COL6A6: variants seen among roughly 807,000 people sequenced by gnomAD.
COL6A6 encodes collagen alpha-6(VI) chain.
In COL6A6, 183 loss-of-function variants were observed where a neutral mutation model predicts 208.6. That is an observed-to-expected ratio of 0.88 (90% CI 0.78 to 0.99). The LOEUF (loss-of-function observed/expected upper bound fraction) is 0.99. COL6A6 is among the 50% of genes least tolerant of loss of function. COL6A6 has a pLI of 0.00. For synonymous variants in COL6A6, 973 were observed against 1,011.8 expected (o/e 0.96, Z 0.73); for missense variants, 2,816 against 2,815.2 (o/e 1.00, Z -0.01).
chr3:130,666,035 T>C (rs1220999038), intron 36 of COL6A6, among the ~76,000 whole-genome samples: 2 of 152,172 alleles, frequency 1.3e-5, no homozygotes, highest in Non-Finnish European at 2.9e-5. Context: ...CCAAGTCTAA[T>C]AATGAGGAAA....
Position 130,571,411 on chromosome 3 carries a change from A to T in COL6A6, c.2977+18A>T. On this transcript the variant is annotated intron_variant, in intron 7 of 36. Transcript: ENST00000358511. ...AAAAGTAGGTAAGTTTTGCCAACTA[A>T]GTTTTTCCTAATTATTAGCAGAGGG... is the stretch of plus-strand genomic sequence containing the variant. The T allele has an allele frequency of 6.6e-7, 1 of 1,516,524 alleles. No individual in the cohort carries two copies. The allele number at this position is 1,516,524 out of a possible 1,614,324, so 93.9% of individuals were successfully genotyped here.
intron 26 of COL6A6, among the ~76,000 whole-genome samples, chr3:130,627,945 A>G (rs1241755492): frequency 1.3e-5 from 2 of 152,236 alleles, no homozygotes; most frequent in Non-Finnish European, 2.9e-5. Context: ...ATTACAAAAT[A>G]CAAAAAACAT....
At chr3:130,527,758 A>G (rs193056251) in intron 1 of COL6A6, among the ~76,000 whole-genome samples, 121 of 152,350 alleles carry the variant, frequency 7.9e-4, no homozygotes, top group African/African-American at 2.7e-3. Context: ...CATTTACTCC[A>G]GAATACAAAA....
rs780054018 is a variant in COL6A6, at chr3:130,571,346, G to C, written c.2930G>C (p.Gly977Ala). ...GTGGAGACTTTTGGAGGTCTGAAGG[G>C]AATATTTTCAGATGTGACAGCCAGT... is the stretch of plus-strand genomic sequence containing the variant. ...FFVETFGGLK[G>A]IFSDVTASVC... The change falls in exon 7 of 37, where the codon GGA (glycine) becomes GCA (alanine). Residue 977 changes from glycine (G) to alanine (A), a missense_variant. Transcript: ENST00000358511. 5 of 1,604,290 alleles carry C rather than the reference G, an allele frequency of 3.1e-6. No individual in the cohort carries two copies. The highest frequency in any genetic ancestry group is 3.4e-6 in the Non-Finnish European group (4 of 1,176,796).
At chr3:130,517,113 G>A (rs1577571847), upstream of COL6A6, among the ~76,000 whole-genome samples, 1 of 152,198 alleles carries the variant, frequency 6.6e-6, no homozygotes, top group African/African-American at 2.4e-5. Context: ...GGCCGCCGGG[G>A]CGGGGAAGGG....
At chr3:130,518,625 G>A (rs1710882284) in intron 1 of COL6A6, among the ~76,000 whole-genome samples, 1 of 152,234 alleles carries the variant, frequency 6.6e-6, no homozygotes, top group Non-Finnish European at 1.5e-5. Context: ...TCCTGCCTCA[G>A]CCTCGCGAGT....
chr3:130,649,029 TA>T, intron 32 of COL6A6, 39 bp from the exon 33 acceptor site: 7 of 1,389,906 alleles, frequency 5.0e-6, no homozygotes, highest in South Asian at 1.8e-5. Context: ...TTTTTTTTTT[TA>T]AATAAGGATG....
At position 130,560,351 on chromosome 3, in the gene COL6A6, T is replaced by G. The variant is rs1321885118; in HGVS notation, c.-14T>G. ...CTTTTCAGATTTGAAGTTGAAGATT[T>G]TTCAGGTCATAATATGATGTTGCTA... On this transcript the variant is annotated 5_prime_UTR_variant, in exon 2 of 37. Transcript: ENST00000358511. 1 of 1,602,228 alleles carries G rather than the reference T, an allele frequency of 6.2e-7. No homozygotes were observed. The highest frequency in any genetic ancestry group is 8.5e-7 in the Non-Finnish European group (1 of 1,175,462).
rs3074299 is a variant in COL6A6, at chr3:130,642,243, A to ATGTGTGTGTGTGTG, written c.5154+559_5155-546dup. ...TCTATCCCAAACTCTGACAGATTATATGTGTGTGTGTGTGTGTGTGTGTGT... is the reference window on the plus strand; with the variant it reads ...TCTATCCCAAACTCTGACAGATTATATGTGTGTGTGTGTGTGTGTGTGTGTGTGTGTGTGTGTGT... On this transcript the variant is annotated intron_variant, in intron 29 of 36. Coordinates refer to ENST00000358511, the MANE Select transcript of COL6A6 (RefSeq NM_001102608.3). Among the ~76,000 whole-genome samples, 403 of 142,192 alleles carry ATGTGTGTGTGTGTG rather than the reference A, an allele frequency of 2.8e-3. 1 individual carries two copies. Among genetic ancestry groups the ATGTGTGTGTGTGTG allele is most frequent in the African/African-American group, 8.9e-3 (338 of 38,134 alleles). 93.3% of individuals were successfully genotyped at this position (142,192 alleles called of 152,430 possible). A position where few individuals can be genotyped will look rare whatever the true frequency, so the allele number is the denominator to read the frequency against.
chr3:130,605,798 G>A (rs2064163910), intron 20 of COL6A6, among the ~76,000 whole-genome samples: 1 of 152,196 alleles, frequency 6.6e-6, no homozygotes, highest in South Asian at 2.1e-4. Context: ...GGCTGGGGAG[G>A]CCCCACAATC....
rs937023589 is a variant in COL6A6 at position 130,621,514 on chromosome 3, CTTCT to C, written c.4816-304_4816-301del. Among the ~76,000 whole-genome samples, 24 of 152,336 alleles carry C rather than the reference CTTCT, an allele frequency of 1.6e-4. No individual in the cohort carries two copies. In the East Asian group the frequency reaches 3.9e-3, roughly 25 times the overall value. On this transcript the variant is annotated intron_variant, in intron 23 of 36. Transcript: ENST00000358511. ...TCAAGGCAAATGTCATTTGGAATGG[CTTCT>C]TTAAGTGTTAGGCATTTTAACAACA...
At chr3:130,627,456 C>A in intron 26 of COL6A6, 87 bp downstream of exon 26, 1 of 1,161,096 alleles carries the variant, frequency 8.6e-7, no homozygotes, top group Non-Finnish European at 1.3e-6. Context: ...AAAAGGGAAG[C>A]AGGGAATAAG....
At chr3:130,670,960 CAA>C (rs1029098705) in intron 36 of COL6A6, among the ~76,000 whole-genome samples, 39 of 152,234 alleles carry the variant, frequency 2.6e-4, no homozygotes, top group African/African-American at 8.9e-4. Context: ...CCAGGGAAGT[CAA>C]GAGACTGGAC....
intron 18 of COL6A6, among the ~76,000 whole-genome samples, chr3:130,596,459 C>G (rs1479920139): frequency 7.2e-5 from 11 of 152,150 alleles, no homozygotes; most frequent in Admixed American, 6.5e-4. Context: ...AAGAAATGCT[C>G]TATGACTTCC....
chr3:130,618,628 G>A (rs1361359205), intron 23 of COL6A6, among the ~76,000 whole-genome samples: 1 of 152,148 alleles, frequency 6.6e-6, no homozygotes, highest in East Asian at 1.9e-4. Flanking sequence ...TGTTTGAGTA[G>A]GTGATTTATC....
At chr3:130,593,819 C>A (rs1285906795) in intron 17 of COL6A6, among the ~76,000 whole-genome samples, 1 of 152,168 alleles carries the variant, frequency 6.6e-6, no homozygotes, top group Non-Finnish European at 1.5e-5. Context: ...TGACAAGGGT[C>A]AGTGGTGCCA....
At chr3:130,521,218 T>A (rs1711052037) in intron 1 of COL6A6, among the ~76,000 whole-genome samples, 1 of 152,204 alleles carries the variant, frequency 6.6e-6, no homozygotes, top group Non-Finnish European at 1.5e-5. Flanking sequence ...TGTGTTGGCT[T>A]GAAAAACCAT....
At chr3:130,531,056 A>AGTCTCTCTCTCTCTCT (rs1294781159) in intron 1 of COL6A6, among the ~76,000 whole-genome samples, 145 of 28,034 alleles carry the variant, frequency 5.2e-3, no homozygotes, top group Middle Eastern at 0.026. Context: ...ACACACACAC[A>AGTCTCTCTCTCTCTCT]CACAGTCTCT....
intron 32 of COL6A6, among the ~76,000 whole-genome samples, chr3:130,647,924 G>T (rs1576392977): frequency 6.6e-6 from 1 of 152,238 alleles, no homozygotes; most frequent in Non-Finnish European, 1.5e-5. Context: ...CTGTTGCAAA[G>T]AACTGCTCTT....
Sources: allele counts gnomAD v4.1 joint callset (sites outside exome capture counted in the v4.1 genomes callset), GRCh38; gene constraint gnomAD v4.1.1; transcripts MANE v1.5; gene names NCBI Gene and HGNC (gene_info 2026-07-23, HGNC 2026-07-21).